Variants in CAMK2A observed in about 807,000 individuals in gnomAD.
CAMK2A encodes calcium/calmodulin dependent protein kinase II alpha.
In CAMK2A, 7 loss-of-function variants were observed where a neutral mutation model predicts 79.2. The ratio of observed to expected loss-of-function variants is 0.09; its 90% CI spans 0.05 to 0.17. The LOEUF (loss-of-function observed/expected upper bound fraction) is 0.17, where lower values mean the gene tolerates loss of function less well. Ranked by LOEUF, CAMK2A falls within the 10% of genes least tolerant of loss-of-function variation. CAMK2A has a pLI of 1.00. For synonymous variants in CAMK2A, 242 were observed against 251.7 expected (o/e 0.96, Z 0.36); for missense variants, 214 against 646.4 (o/e 0.33, Z 7.25).
rs1266849874 is a variant in CAMK2A at position 150,266,486 on chromosome 5, T to G, written c.158-1471A>C. Among the ~76,000 whole-genome samples, 4 of 152,248 alleles carry G rather than the reference T, an allele frequency of 2.6e-5. 1 individual carries two copies. The highest frequency in any genetic ancestry group is 2.4e-5 in the African/African-American group (1 of 41,466). On this transcript the variant is annotated intron_variant, in intron 2 of 18. Transcript: ENST00000671881. ...AAAAGAAATCTCTTTTTAAAAACTC[T>G]GTGCCAAGCACTGTGCAGAGGGCTT...
intron 2 of CAMK2A, among the ~76,000 whole-genome samples, chr5:150,266,748 C>T (rs963465052): frequency 2.6e-5 from 4 of 152,204 alleles, no homozygotes; most frequent in Non-Finnish European, 2.9e-5. Flanking sequence ...CACTTGCCCC[C>T]AATTCCCAAA....
intron 14 of CAMK2A, among the ~76,000 whole-genome samples, chr5:150,239,312 T>C (rs989550165): frequency 4.6e-5 from 7 of 152,126 alleles, no homozygotes; most frequent in African/African-American, 1.7e-4. Context: ...GAGGGGCCTC[T>C]GTGGCACCTA....
chr5:150,267,039 A>C (rs1370689881), intron 2 of CAMK2A, among the ~76,000 whole-genome samples: 1 of 152,226 alleles, frequency 6.6e-6, no homozygotes, highest in African/African-American at 2.4e-5. Flanking sequence ...AGTCCAATTC[A>C]GTTTCCATGG....
intron 1 of CAMK2A, among the ~76,000 whole-genome samples, chr5:150,278,090 C>G (rs752899834): frequency 6.6e-6 from 1 of 152,206 alleles, no homozygotes; most frequent in Non-Finnish European, 1.5e-5. Flanking sequence ...CACCTTTCTG[C>G]GTCTTCCTGT....
At chr5:150,289,870 C>A, upstream of CAMK2A, 1 of 523,110 alleles carries the variant, frequency 1.9e-6, no homozygotes, top group South Asian at 2.6e-5. Flanking sequence ...CCCGTTGCCC[C>A]GGTAACTGCC....
intron 1 of CAMK2A, among the ~76,000 whole-genome samples, chr5:150,279,323 C>T (rs766673238): frequency 2.0e-5 from 3 of 152,178 alleles, no homozygotes; most frequent in Non-Finnish European, 4.4e-5. Context: ...AGCAGGCACT[C>T]CTGAATCAGA....
In CAMK2A at chr5:150,222,410, C is replaced by T. The variant is rs780881398; in HGVS notation, c.*300G>A. ...AGCCTACAGCCCAAGACAGATCAGG[C>T]GGACAGCAGCTGAGGCTGGGGAGAG... On this transcript the variant is annotated 3_prime_UTR_variant, in exon 19 of 19. Coordinates refer to ENST00000671881, the MANE Select transcript of CAMK2A (RefSeq NM_015981.4). 5.4e-5 allele frequency: 36 copies of T among 672,058 alleles called. No individual in the cohort carries two copies. The highest frequency in any genetic ancestry group is 4.6e-4 in the African/African-American group (26 of 56,814). 41.6% of individuals were successfully genotyped at this position (672,058 alleles called of 1,614,324 possible).
chr5:150,220,635 T>C lies in CAMK2A; in HGVS notation c.*2075A>G, dbSNP rs1375127965. On this transcript the variant is annotated 3_prime_UTR_variant, in exon 19 of 19. Coordinates refer to ENST00000671881, the MANE Select transcript of CAMK2A (RefSeq NM_015981.4). ...AACTGGCAGCTCAAAAGGGGACAGGTGGTTTTGCCCCTGGGATAATGGGAT... is the reference window on the plus strand; with the variant it reads ...AACTGGCAGCTCAAAAGGGGACAGGCGGTTTTGCCCCTGGGATAATGGGAT... 1 of 152,166 alleles carries C rather than the reference T, an allele frequency of 6.6e-6. No homozygotes were observed. Among genetic ancestry groups the C allele is most frequent in the East Asian group, 1.9e-4 (1 of 5,300 alleles). 9.4% of individuals were successfully genotyped at this position (152,166 alleles called of 1,614,324 possible). A position where few individuals can be genotyped will look rare whatever the true frequency, so the allele number is the denominator to read the frequency against.
At position 150,220,711 on chromosome 5, in the gene CAMK2A, G is replaced by A. The variant is rs999607514; in HGVS notation, c.*1999C>T. 6.6e-6 allele frequency: 1 copy of A among 150,904 alleles called. No individual in the cohort carries two copies. The highest frequency in any genetic ancestry group is 2.4e-5 in the African/African-American group (1 of 41,270). 9.3% of individuals were successfully genotyped at this position (150,904 alleles called of 1,614,324 possible). On this transcript the variant is annotated 3_prime_UTR_variant, in exon 19 of 19. Transcript: ENST00000671881. Reference sequence around the variant, plus strand: ...TGGGCCTGGGGCAGGCCAAGAGCCTGCCCCTGGGCCTGGGCAGCAAGGTCT... The same window carrying A: ...TGGGCCTGGGGCAGGCCAAGAGCCTACCCCTGGGCCTGGGCAGCAAGGTCT...
At position 150,284,321 on chromosome 5, in the gene CAMK2A, T is replaced by C. The variant is rs73268759; in HGVS notation, c.62+5243A>G. Among the ~76,000 whole-genome samples, 2,583 of 152,328 alleles carry C rather than the reference T, an allele frequency of 0.017. 86 individuals are homozygous for C. The highest frequency in any genetic ancestry group is 0.053 in the African/African-American group (2,219 of 41,572). ...GTGTGTGTGTCCATGTGCATGTGTG[T>C]GCTCCCGTGAGCTGTGTGAAGACGC... is the stretch of plus-strand genomic sequence containing the variant. On this transcript the variant is annotated intron_variant, in intron 1 of 18. Coordinates refer to ENST00000671881, the MANE Select transcript of CAMK2A (RefSeq NM_015981.4). This position sits in a 1 kb window ranked among gnomAD's most constrained non-coding sequence, Gnocchi z 5.3.
chr5:150,267,269 C>A (rs1756551786), intron 2 of CAMK2A, among the ~76,000 whole-genome samples: 2 of 152,296 alleles, frequency 1.3e-5, no homozygotes, highest in Non-Finnish European at 1.5e-5. Context: ...CGTCCCATAC[C>A]CTACCCCCCA....
chr5:150,250,922 G>A (rs532637265), intron 9 of CAMK2A, 112 bp from the exon 10 acceptor site: 25 of 1,229,652 alleles, frequency 2.0e-5, no homozygotes, highest in South Asian at 9.7e-5. Flanking sequence ...CCATCCACTC[G>A]GACATCCACA....
chr5:150,240,863 G>A (rs1755305502), intron 13 of CAMK2A, among the ~76,000 whole-genome samples: 1 of 152,212 alleles, frequency 6.6e-6, no homozygotes, highest in South Asian at 2.1e-4. Context: ...TACCAGAGAG[G>A]CCAGGAGGCC....
At chr5:150,239,876 G>GGACAAGGA (rs1262751775) in intron 13 of CAMK2A, 140 bp from the exon 14 acceptor site, 1 of 760,004 alleles carries the variant, frequency 1.3e-6, no homozygotes, top group Non-Finnish European at 2.3e-6. Flanking sequence ...CTTGGCATCG[G>GGACAAGGA]GACAAGGAGT....
At chr5:150,231,613 CA>C (rs34708614) in intron 15 of CAMK2A, among the ~76,000 whole-genome samples, 63,627 of 120,318 alleles carry the variant, frequency 0.53, 16,265 homozygotes, top group Middle Eastern at 0.72. Context: ...CCCAGAAAGG[CA>C]AAAAAAAAAA....
At chr5:150,233,906 G>A (rs1754953019) in intron 15 of CAMK2A, among the ~76,000 whole-genome samples, 1 of 152,170 alleles carries the variant, frequency 6.6e-6, no homozygotes, top group Non-Finnish European at 1.5e-5. Context: ...TCCCCCTCGT[G>A]GGTTCAAGCG....
chr5:150,225,077 T>TGAGA (rs1222337675), intron 17 of CAMK2A, among the ~76,000 whole-genome samples: 5 of 89,234 alleles, frequency 5.6e-5, no homozygotes, highest in African/African-American at 1.4e-4. Flanking sequence ...AGAGAGAAAG[T>TGAGA]GAGAGAGAGA....
chr5:150,240,148 T>C (rs1755274548), intron 13 of CAMK2A, among the ~76,000 whole-genome samples: 1 of 152,144 alleles, frequency 6.6e-6, no homozygotes, highest in Non-Finnish European at 1.5e-5. Flanking sequence ...TGAGGCCCAA[T>C]GTCTTCTCCT....
intron 14 of CAMK2A, among the ~76,000 whole-genome samples, chr5:150,239,025 G>T (rs950715744): frequency 6.6e-6 from 1 of 152,194 alleles, no homozygotes; most frequent in Non-Finnish European, 1.5e-5. Flanking sequence ...CTTTCTGCTC[G>T]AGGGGGTGAA....
Sources: allele counts gnomAD v4.1 joint callset (sites outside exome capture counted in the v4.1 genomes callset), GRCh38; gene constraint gnomAD v4.1.1; non-coding constraint Gnocchi (gnomAD v3.1); transcripts MANE v1.5; gene names NCBI Gene and HGNC (gene_info 2026-07-23, HGNC 2026-07-21).